ZFAND5: variants seen among roughly 807,000 people sequenced by gnomAD.
The protein encoded by ZFAND5 is zinc finger AN1-type containing 5.
Under a neutral mutation model 23.6 loss-of-function variants are expected in ZFAND5, and 4 were observed. The ratio of observed to expected loss-of-function variants is 0.17; its 90% CI spans 0.08 to 0.39. The LOEUF (loss-of-function observed/expected upper bound fraction) is 0.39, where lower values mean the gene tolerates loss of function less well. ZFAND5 is among the 10% of genes least tolerant of loss of function. The pLI is 1.00. For missense variants in ZFAND5, 161 were observed against 253.7 expected (o/e 0.63, Z 2.48); for synonymous variants, 68 against 80.6 (o/e 0.84, Z 0.84).
At chr9:72,363,035 AC>A (rs1426415256) in intron 2 of ZFAND5, among the ~76,000 whole-genome samples, 12 of 152,216 alleles carry the variant, frequency 7.9e-5, no homozygotes, top group African/African-American at 2.9e-4. Context: ...AGGAAAAACT[AC>A]AGAACAATCT....
rs1255575757 is a variant in ZFAND5 at position 72,353,169 on chromosome 9, G to A, written c.*2784C>T. The stretch of plus-strand genomic sequence containing the variant: ...TTGTCTGCTTATGTAAGGGAAACAT[G>A]GTATATTATTAAATTGCTTAATATC... On this transcript the variant is annotated 3_prime_UTR_variant, in exon 7 of 7. Transcript: ENST00000376962. The A allele has an allele frequency of 1.3e-5, 2 of 151,970 alleles. No individual in the cohort carries two copies. The highest frequency in any genetic ancestry group is 4.8e-5 in the African/African-American group (2 of 41,314). The allele number at this position is 151,970 out of a possible 1,614,324, so 9.4% of individuals were successfully genotyped here.
Position 72,360,366 on chromosome 9 carries a change from C to CA in ZFAND5, c.152-146dup, listed in dbSNP as rs534224632. On this transcript the variant is annotated intron_variant, in intron 3 of 6. Transcript: ENST00000376962. ...GTAATCCTATACTTGAGTATCCAAA[C>CA]AAAAAATATTAAAAAGTCAATCCAA... 1,161 of 857,328 alleles carry CA rather than the reference C, an allele frequency of 1.4e-3. 10 individuals are homozygous for CA. In the African/African-American group the frequency reaches 0.017, roughly 12 times the overall value. The allele number at this position is 857,328 out of a possible 1,614,324, so 53.1% of individuals were successfully genotyped here.
At chr9:72,359,071 C>G (rs556595254) in intron 5 of ZFAND5, among the ~76,000 whole-genome samples, 2 of 152,222 alleles carry the variant, frequency 1.3e-5, no homozygotes, top group African/African-American at 4.8e-5. Context: ...TTGACAATAT[C>G]AAAACTAAAG....
intron 6 of ZFAND5, among the ~76,000 whole-genome samples, chr9:72,356,674 A>C (rs1841952503): frequency 6.6e-6 from 1 of 152,202 alleles, no homozygotes; most frequent in Non-Finnish European, 1.5e-5. Context: ...CATTTTCCCT[A>C]GGTATACAAA....
rs1438405944 is a variant in ZFAND5 at position 72,353,582 on chromosome 9, G to A, written c.*2371C>T. 1.3e-5 allele frequency: 2 copies of A among 152,174 alleles called. No individual in the cohort carries two copies. The highest frequency in any genetic ancestry group is 2.1e-4 in the South Asian group (1 of 4,812). The allele number at this position is 152,174 out of a possible 1,614,324, so 9.4% of individuals were successfully genotyped here. The stretch of plus-strand genomic sequence containing the variant: ...CCAGCTACTTAGGAGGCAGAGGCAG[G>A]AGAATCACTTGAACCCAGGAGGCAG... On this transcript the variant is annotated 3_prime_UTR_variant, in exon 7 of 7. Coordinates refer to ENST00000376962, the MANE Select transcript of ZFAND5 (RefSeq NM_001102420.3).
Sources: allele counts gnomAD v4.1 joint callset (sites outside exome capture counted in the v4.1 genomes callset), GRCh38; gene constraint gnomAD v4.1.1; transcripts MANE v1.5; gene names NCBI Gene and HGNC (gene_info 2026-07-23, HGNC 2026-07-21).